RBMS3: variants seen among roughly 807,000 people sequenced by gnomAD.
RBMS3 encodes RNA-binding motif, single-stranded-interacting protein 3.
A neutral mutation model predicts 66.8 loss-of-function variants in RBMS3; 27 were observed. The observed-to-expected ratio is 0.40, with a 90% CI of 0.30 to 0.56. RBMS3 has a LOEUF of 0.56. RBMS3 is among the 20% of genes least tolerant of loss of function. RBMS3 has a pLI of 0.40. For synonymous variants in RBMS3, 188 were observed against 183.0 expected (o/e 1.03, Z -0.22); for missense variants, 513 against 549.5 (o/e 0.93, Z 0.66).
At chr3:29,738,895 C>A (rs1482836321) in intron 4 of RBMS3, among the ~76,000 whole-genome samples, 1 of 152,106 alleles carries the variant, frequency 6.6e-6, no homozygotes, top group Non-Finnish European at 1.5e-5. Context: ...GATTTCAGCC[C>A]TGACTTTGGC....
At chr3:29,747,737 T>C (rs1192682620) in intron 5 of RBMS3, among the ~76,000 whole-genome samples, 1 of 152,166 alleles carries the variant, frequency 6.6e-6, no homozygotes, top group African/African-American at 2.4e-5. Flanking sequence ...AGTATAGCCC[T>C]AGGTAGTATT....
rs185362019 is a variant in RBMS3 at position 29,370,339 on chromosome 3, C to G, written c.76-64404C>G. ...TTATGTGAACACTTCACAGAAAGTT[C>G]TGTTCAGGTTGTACATCCATTTTCA... On this transcript the variant is annotated intron_variant, in intron 1 of 14. Transcript: ENST00000383767. Among the ~76,000 whole-genome samples the G allele has an allele frequency of 6.6e-4, 101 of 152,318 alleles. 2 individuals are homozygous for G. The East Asian group carries it at 0.013, about 19-fold the overall frequency.
At chr3:29,703,271 A>G (rs2052715487) in intron 4 of RBMS3, among the ~76,000 whole-genome samples, 2 of 152,228 alleles carry the variant, frequency 1.3e-5, no homozygotes, top group African/African-American at 4.8e-5. Context: ...CATGGAAACT[A>G]TGATGAAGAC....
At chr3:29,421,067 C>G (rs899951280) in intron 1 of RBMS3, among the ~76,000 whole-genome samples, 1 of 151,480 alleles carries the variant, frequency 6.6e-6, no homozygotes, top group East Asian at 1.9e-4. Context: ...GAGCTAAGAT[C>G]GCGCCACTGC....
chr3:29,294,317 T>C (rs916530357), intron 1 of RBMS3, among the ~76,000 whole-genome samples: 3 of 151,808 alleles, frequency 2.0e-5, no homozygotes, highest in Non-Finnish European at 4.4e-5. Context: ...TCCTATCTTT[T>C]TCACATTAAG....
intron 3 of RBMS3, among the ~76,000 whole-genome samples, chr3:29,509,539 G>C (rs945228289): frequency 2.0e-5 from 3 of 152,112 alleles, no homozygotes; most frequent in African/African-American, 7.2e-5. Context: ...GGTCTGCTTT[G>C]TTTTAAAGCC....
At chr3:29,429,501 G>A (rs2041097597) in intron 1 of RBMS3, among the ~76,000 whole-genome samples, 1 of 152,048 alleles carries the variant, frequency 6.6e-6, no homozygotes, top group Admixed American at 6.6e-5. Context: ...TACTAACCAA[G>A]CATATGCAGC....
intron 1 of RBMS3, among the ~76,000 whole-genome samples, chr3:29,335,989 C>A (rs2035926284): frequency 6.6e-6 from 1 of 151,970 alleles, no homozygotes; most frequent in Admixed American, 6.6e-5. Context: ...GCCTGGCGTA[C>A]CTTAATTTTT....
Position 29,907,685 on chromosome 3 carries a change from A to G in RBMS3, c.939+7930A>G, listed in dbSNP as rs190533697. 2.3e-4 allele frequency among the ~76,000 whole-genome samples: 35 copies of G among 152,250 alleles called. 1 individual carries two copies. In the East Asian group the frequency reaches 5.8e-3, roughly 25 times the overall value. On this transcript the variant is annotated intron_variant, in intron 10 of 14. Transcript: ENST00000383767. The stretch of plus-strand genomic sequence containing the variant: ...GGCATCAGTTTTTATTAATAAAATT[A>G]GTAAGCTATTTTTGTCAGGTTTGAA...
At chr3:29,321,501 G>A (rs561384841) in intron 1 of RBMS3, among the ~76,000 whole-genome samples, 11 of 152,174 alleles carry the variant, frequency 7.2e-5, no homozygotes, top group Non-Finnish European at 1.3e-4. Context: ...TAAAGGATGA[G>A]ATAAGAAAGA....
At chr3:29,727,440 TG>T in intron 4 of RBMS3, among the ~76,000 whole-genome samples, 1 of 152,124 alleles carries the variant, frequency 6.6e-6, no homozygotes, top group Non-Finnish European at 1.5e-5. Flanking sequence ...AACTACAGAA[TG>T]GGAGAAAATT....
chr3:29,817,192 C>CTTTTTTTTTTTTTT lies in RBMS3; in HGVS notation c.638-51653_638-51652insTTTTTTTTTTTTTT, dbSNP rs373365962. On this transcript the variant is annotated intron_variant, in intron 6 of 14. Coordinates refer to ENST00000383767, the MANE Select transcript of RBMS3 (RefSeq NM_001003793.3). ...GGGTTGCATTTCCAAATTTTCTTTT[C>CTTTTTTTTTTTTTT]TTTTTTTTTTTTTGAGGCAAAGTCT... 5.3e-4 allele frequency among the ~76,000 whole-genome samples: 67 copies of CTTTTTTTTTTTTTT among 127,178 alleles called. 7 individuals carry two copies. The highest frequency in any genetic ancestry group is 1.5e-3 in the African/African-American group (49 of 31,648). 83.4% of individuals were successfully genotyped at this position (127,178 alleles called of 152,430 possible).
At chr3:29,644,241 A>T (rs1416141676) in intron 4 of RBMS3, among the ~76,000 whole-genome samples, 1 of 152,212 alleles carries the variant, frequency 6.6e-6, no homozygotes, top group East Asian at 1.9e-4. Flanking sequence ...CTCCAAAAAA[A>T]TAAAAAAAAG....
chr3:29,372,754 T>C (rs2038271252), intron 1 of RBMS3, among the ~76,000 whole-genome samples: 1 of 152,136 alleles, frequency 6.6e-6, no homozygotes, highest in African/African-American at 2.4e-5. Context: ...ATATGTACTC[T>C]GCCTAAAATT....
intron 4 of RBMS3, among the ~76,000 whole-genome samples, chr3:29,706,024 G>A (rs2052874911): frequency 6.6e-6 from 1 of 152,166 alleles, no homozygotes; most frequent in Non-Finnish European, 1.5e-5. Flanking sequence ...CATCAAGCTG[G>A]TTCTAGCAAT....
At chr3:29,918,846 C>A in intron 10 of RBMS3, among the ~76,000 whole-genome samples, 1 of 151,852 alleles carries the variant, frequency 6.6e-6, no homozygotes, top group Non-Finnish European at 1.5e-5. Context: ...CAAAACCCTA[C>A]ATATTAAGTC....
chr3:29,667,821 A>G lies in RBMS3; in HGVS notation c.400-71899A>G, dbSNP rs533568897. 2.2e-4 allele frequency among the ~76,000 whole-genome samples: 34 copies of G among 152,310 alleles called. 1 individual carries two copies. In the South Asian group the frequency reaches 6.6e-3, roughly 30 times the overall value. On this transcript the variant is annotated intron_variant, in intron 4 of 14. Coordinates refer to ENST00000383767, the MANE Select transcript of RBMS3 (RefSeq NM_001003793.3). ...GGAGATAAAAGAGTTTAAGTTTAAT[A>G]TAAAAACATTAGTAATCCTGTCAGG...
intron 4 of RBMS3, among the ~76,000 whole-genome samples, chr3:29,711,427 C>A (rs768742600): frequency 6.6e-6 from 1 of 152,164 alleles, no homozygotes; most frequent in Non-Finnish European, 1.5e-5. Context: ...TATGGTTTGA[C>A]TCTGTGGACT....
At position 30,009,305 on chromosome 3, in the gene RBMS3, A is replaced by C. The variant is rs1190873923; in HGVS notation, c.*5443A>C. The C allele has an allele frequency of 6.6e-6, 1 of 151,900 alleles. No homozygotes were observed. The highest frequency in any genetic ancestry group is 1.5e-5 in the Non-Finnish European group (1 of 67,920). The allele number at this position is 151,900 out of a possible 1,614,324, so 9.4% of individuals were successfully genotyped here. A position where few individuals can be genotyped will look rare whatever the true frequency, so the allele number is the denominator to read the frequency against. On this transcript the variant is annotated 3_prime_UTR_variant, in exon 15 of 15. Coordinates refer to ENST00000383767, the MANE Select transcript of RBMS3 (RefSeq NM_001003793.3). Reference sequence around the variant, plus strand: ...CTCTGTTTCCTTTTATTAGCATGTCACCTGAGGGTGGAACAAACAATTGGA... The same window carrying C: ...CTCTGTTTCCTTTTATTAGCATGTCCCCTGAGGGTGGAACAAACAATTGGA...
Sources: allele counts gnomAD v4.1 joint callset (sites outside exome capture counted in the v4.1 genomes callset), GRCh38; gene constraint gnomAD v4.1.1; transcripts MANE v1.5; gene names NCBI Gene and HGNC (gene_info 2026-07-23, HGNC 2026-07-21).